SLC17A1: variants seen among roughly 807,000 people sequenced by gnomAD.
SLC17A1 encodes solute carrier family 17 member 1, also known as sodium-dependent phosphate transport protein 1.
In SLC17A1, 51 loss-of-function variants were observed where a neutral mutation model predicts 53.5. The observed-to-expected ratio is 0.95, with a 90% confidence interval of 0.76 to 1.20. The LOEUF (loss-of-function observed/expected upper bound fraction) is 1.20. Among genes scored for constraint, SLC17A1 ranks in the 50% most tolerant of loss-of-function variants. The pLI is 0.00. For missense variants in SLC17A1, 538 were observed against 568.2 expected (o/e 0.95, Z 0.54); for synonymous variants, 179 against 198.8 (o/e 0.90, Z 0.84).
the SLC17A1 span, among the ~76,000 whole-genome samples, chr6:25,759,062 T>A: frequency 6.6e-6 from 1 of 152,240 alleles, no homozygotes; most frequent in East Asian, 1.9e-4. Flanking sequence ...GAGCCAATGA[T>A]CATTTAGGAG....
At chr6:25,812,264 G>A (rs1764183804) in intron 8 of SLC17A1, among the ~76,000 whole-genome samples, 1 of 152,210 alleles carries the variant, frequency 6.6e-6, no homozygotes, top group South Asian at 2.1e-4. Flanking sequence ...ATGCGGCAAA[G>A]TGGTAAGCCC....
the SLC17A1 span, chr6:25,726,827 TAC>T: frequency 2.7e-6 from 4 of 1,483,858 alleles, no homozygotes; most frequent in Non-Finnish European, 3.6e-6. Context: ...AGCTGTTTAA[TAC>T]TGAAGAGCTG....
intron 6 of SLC17A1, among the ~76,000 whole-genome samples, chr6:25,816,952 A>G (rs1764379950): frequency 6.7e-6 from 1 of 149,672 alleles, no homozygotes; most frequent in South Asian, 2.1e-4. Flanking sequence ...GATTCAAGTG[A>G]TTCTCCTGCC....
At chr6:25,768,968 T>A in the SLC17A1 span, 33 of 1,612,242 alleles carry the variant, frequency 2.0e-5, no homozygotes. Flanking sequence ...TGATTTTTCA[T>A]GCCCTTTTCC....
chr6:25,761,342 G>T, the SLC17A1 span, among the ~76,000 whole-genome samples: 1 of 152,118 alleles, frequency 6.6e-6, no homozygotes, highest in Non-Finnish European at 1.5e-5. Flanking sequence ...TCCCTGGCAT[G>T]GGCCTAAGGC....
At chr6:25,827,955 A>C (rs1305816158) in intron 2 of SLC17A1, among the ~76,000 whole-genome samples, 2 of 152,150 alleles carry the variant, frequency 1.3e-5, no homozygotes, top group Non-Finnish European at 2.9e-5. Flanking sequence ...TCAAAACCTC[A>C]TCAAAATCTC....
intron 3 of SLC17A1, among the ~76,000 whole-genome samples, chr6:25,824,207 A>G (rs1022624421): frequency 6.6e-6 from 1 of 151,954 alleles, no homozygotes; most frequent in African/African-American, 2.4e-5. Flanking sequence ...CAAAAGCACA[A>G]CCCACAAAAA....
chr6:25,750,056 A>G, the SLC17A1 span, among the ~76,000 whole-genome samples: 1 of 152,192 alleles, frequency 6.6e-6, no homozygotes, highest in African/African-American at 2.4e-5. Flanking sequence ...TTCCTAACCA[A>G]CACAGAAATT....
the SLC17A1 span, among the ~76,000 whole-genome samples, chr6:25,729,494 C>A: frequency 6.6e-6 from 1 of 152,176 alleles, no homozygotes; most frequent in Non-Finnish European, 1.5e-5. Context: ...GGAGTCTTCC[C>A]AGAGGACCCG....
At chr6:25,824,237 C>T (rs1477169579) in intron 3 of SLC17A1, among the ~76,000 whole-genome samples, 1 of 151,740 alleles carries the variant, frequency 6.6e-6, no homozygotes, top group Non-Finnish European at 1.5e-5. Context: ...AGAAGTTCTT[C>T]AGGCAGAAGA....
chr6:25,777,005 C>T, the SLC17A1 span: 2 of 1,558,054 alleles, frequency 1.3e-6, no homozygotes, highest in East Asian at 4.5e-5. Flanking sequence ...CAATTCAAGT[C>T]TAGCAGCCCT....
chr6:25,791,685 C>T (rs905163471), intron 12 of SLC17A1, among the ~76,000 whole-genome samples: 1 of 152,196 alleles, frequency 6.6e-6, no homozygotes, highest in Non-Finnish European at 1.5e-5. Flanking sequence ...GAGCTCACAC[C>T]TTCTGGATGA....
intron 1 of SLC17A1, among the ~76,000 whole-genome samples, chr6:25,831,140 A>G (rs1454485028): frequency 4.6e-5 from 7 of 152,178 alleles, no homozygotes; most frequent in Non-Finnish European, 1.0e-4. Flanking sequence ...ACACGTCCAC[A>G]TGCCCCTGTC....
chr6:25,817,173 G>GT (rs1207474715), intron 6 of SLC17A1, among the ~76,000 whole-genome samples: 6 of 152,262 alleles, frequency 3.9e-5, no homozygotes, highest in Non-Finnish European at 8.8e-5. Flanking sequence ...AAGTGCAAAT[G>GT]TAAGTCTGTG....
the SLC17A1 span, among the ~76,000 whole-genome samples, chr6:25,774,869 C>A: frequency 6.6e-6 from 1 of 152,216 alleles, no homozygotes; most frequent in East Asian, 1.9e-4. Context: ...CCTCGGCTTA[C>A]GCATCTGTAA....
chr6:25,747,883 T>C, the SLC17A1 span, among the ~76,000 whole-genome samples: 25 of 152,164 alleles, frequency 1.6e-4, no homozygotes, highest in African/African-American at 5.1e-4. Context: ...TATTCTGTTA[T>C]AGCAGCCCAA....
At chr6:25,735,865 C>G in the SLC17A1 span, among the ~76,000 whole-genome samples, 6 of 152,180 alleles carry the variant, frequency 3.9e-5, no homozygotes, top group Non-Finnish European at 5.9e-5. Flanking sequence ...AAAGGAACTG[C>G]ACTCACTGGG....
intron 12 of SLC17A1, among the ~76,000 whole-genome samples, chr6:25,791,026 T>G (rs1320002930): frequency 1.3e-5 from 2 of 152,160 alleles, no homozygotes; most frequent in Admixed American, 1.3e-4. Flanking sequence ...GATAACAACC[T>G]TAAGTTTTGT....
chr6:25,797,775 T>C (rs1247046363), intron 12 of SLC17A1, among the ~76,000 whole-genome samples: 1 of 152,124 alleles, frequency 6.6e-6, no homozygotes, highest in African/African-American at 2.4e-5. Flanking sequence ...AATTTTTGTA[T>C]GTTTAGTAGA....
Sources: allele counts gnomAD v4.1 joint callset (sites outside exome capture counted in the v4.1 genomes callset), GRCh38; gene constraint gnomAD v4.1.1; transcripts MANE v1.5; gene names NCBI Gene and HGNC (gene_info 2026-07-23, HGNC 2026-07-21).